TAB1: variants seen among roughly 807,000 people sequenced by gnomAD.
TAB1 encodes the protein TGF-beta-activated kinase 1 and MAP3K7-binding protein 1.
Under a neutral mutation model 54.5 loss-of-function variants are expected in TAB1, and 30 were observed. The ratio of observed to expected loss-of-function variants is 0.55; its 90% CI spans 0.41 to 0.75. The LOEUF (loss-of-function observed/expected upper bound fraction) is 0.75, where lower values mean the gene tolerates loss of function less well. Ranked by LOEUF, TAB1 falls within the 30% of genes least tolerant of loss-of-function variation. The pLI, the probability that TAB1 is intolerant of heterozygous loss-of-function variation, is 0.00. For missense variants in TAB1, 609 were observed against 683.2 expected (o/e 0.89, Z 1.21); for synonymous variants, 289 against 286.9 (o/e 1.01, Z -0.07).
chr22:39,434,538 C>A (rs1007863986), downstream of TAB1, among the ~76,000 whole-genome samples: 1 of 152,264 alleles, frequency 6.6e-6, no homozygotes, highest in Non-Finnish European at 1.5e-5. Flanking sequence ...GGCATGAGCA[C>A]AGGCTCTGTT....
chr22:39,410,548 T>TA (rs1259588818), intron 1 of TAB1, among the ~76,000 whole-genome samples: 1 of 152,074 alleles, frequency 6.6e-6, no homozygotes, highest in Non-Finnish European at 1.5e-5. Context: ...AGCTAGCACT[T>TA]ACTGCCATTT....
chr22:39,429,877 C>T, intron 10 of TAB1, 138 bp from the exon 11 acceptor site: 1 of 1,499,826 alleles, frequency 6.7e-7, no homozygotes. Context: ...CTGGCTGGGC[C>T]AGCTCCTATG....
chr22:39,400,943 G>T (rs765918934), intron 1 of TAB1, among the ~76,000 whole-genome samples: 4 of 144,194 alleles, frequency 2.8e-5, no homozygotes, highest in Non-Finnish European at 6.0e-5. Flanking sequence ...TGAGGCAGGA[G>T]AATTAGCTTG....
At chr22:39,434,170 G>A (rs1039701195), downstream of TAB1, among the ~76,000 whole-genome samples, 4 of 152,238 alleles carry the variant, frequency 2.6e-5, no homozygotes, top group Non-Finnish European at 4.4e-5. Context: ...GGCCATAGCC[G>A]TGAGAAGTGA....
At chr22:39,403,055 C>T (rs183741885) in intron 1 of TAB1, among the ~76,000 whole-genome samples, 10 of 152,328 alleles carry the variant, frequency 6.6e-5, no homozygotes, top group Non-Finnish European at 1.0e-4. Context: ...CTTGGTTGCC[C>T]GCTAACCAGA....
intron 1 of TAB1, among the ~76,000 whole-genome samples, chr22:39,408,628 G>A (rs1207518640): frequency 2.6e-5 from 4 of 152,040 alleles, no homozygotes; most frequent in South Asian, 2.1e-4. Context: ...TCAGCCTTCC[G>A]AGTAGCTGAG....
intron 8 of TAB1, 50 bp from the exon 9 acceptor site, chr22:39,426,653 C>G (rs751053339): frequency 6.6e-7 from 1 of 1,519,494 alleles, no homozygotes; most frequent in Admixed American, 1.8e-5. Flanking sequence ...GCCCATGCCC[C>G]CCAGGCCGCA....
At chr22:39,413,420 A>ATT (rs200579696) in intron 1 of TAB1, among the ~76,000 whole-genome samples, 1 of 144,350 alleles carries the variant, frequency 6.9e-6, no homozygotes, top group African/African-American at 2.5e-5. Flanking sequence ...TTTCAATACA[A>ATT]TTTTTTTTTT....
At chr22:39,433,322 G>A (rs1190034845), downstream of TAB1, 1 of 752,566 alleles carries the variant, frequency 1.3e-6, no homozygotes, top group Non-Finnish European at 1.6e-6. Context: ...GTGGTGGTGG[G>A]CACCTGTAGT....
chr22:39,414,367 G>A (rs1372046831), intron 1 of TAB1, among the ~76,000 whole-genome samples: 1 of 152,176 alleles, frequency 6.6e-6, no homozygotes, highest in Non-Finnish European at 1.5e-5. Context: ...GGTGGCATGA[G>A]GATGTCCTAT....
chr22:39,407,458 T>G (rs1233558249), intron 1 of TAB1, among the ~76,000 whole-genome samples: 1 of 152,010 alleles, frequency 6.6e-6, no homozygotes, highest in African/African-American at 2.4e-5. Flanking sequence ...TGGGCAGCCT[T>G]GCTATGGCCC....
intron 8 of TAB1, among the ~76,000 whole-genome samples, chr22:39,423,828 G>A (rs1043799215): frequency 4.8e-4 from 73 of 151,780 alleles, no homozygotes; most frequent in Non-Finnish European, 9.6e-4. Flanking sequence ...GTTTTATAGT[G>A]TACATTGTAA....
In TAB1 at chr22:39,416,747, G is replaced by A. The variant is rs371761512; in HGVS notation, c.325-44G>A. 9.6e-6 allele frequency: 15 copies of A among 1,570,160 alleles called. No homozygotes were observed. The East Asian group carries it at 3.1e-4, about 33-fold the overall frequency. ...AGAGGACATTTTGGCACCAGTGACA[G>A]TGGTGTTTTGAACCAGCCTTTGCCC... On this transcript the variant is annotated intron_variant, in intron 3 of 10. Coordinates refer to ENST00000216160, the MANE Select transcript of TAB1 (RefSeq NM_006116.3).
chr22:39,406,397 C>CAAAAAA (rs11290078), intron 1 of TAB1, among the ~76,000 whole-genome samples: 2 of 73,774 alleles, frequency 2.7e-5, no homozygotes, highest in Non-Finnish European at 5.0e-5. Flanking sequence ...AGACTGTCAC[C>CAAAAAA]AAAAAAAAAA....
intron 10 of TAB1, chr22:39,429,228 C>T: frequency 1.0e-6 from 1 of 985,418 alleles, no homozygotes; most frequent in Non-Finnish European, 1.2e-6. Flanking sequence ...GGTGCCCGTC[C>T]CCACCCAGCT....
chr22:39,429,060 G>A lies in TAB1; in HGVS notation c.1307+877G>A, dbSNP rs578124630. On this transcript the variant is annotated intron_variant, in intron 10 of 10. Transcript: ENST00000216160. ...GCTGTGTCCACAAAGCAGAGTGTGA[G>A]CGCTGTGGCCCTAGACAAGGCAGGA... 4.1e-6 allele frequency: 4 copies of A among 985,452 alleles called. No individual in the cohort carries two copies. The South Asian group carries it at 1.4e-4, about 35-fold the overall frequency. The allele number at this position is 985,452 out of a possible 1,614,324, so 61.0% of individuals were successfully genotyped here. A position where few individuals can be genotyped will look rare whatever the true frequency, so the allele number is the denominator to read the frequency against.
At chr22:39,423,904 A>G (rs918681745) in intron 8 of TAB1, among the ~76,000 whole-genome samples, 1 of 151,874 alleles carries the variant, frequency 6.6e-6, no homozygotes, top group African/African-American at 2.4e-5. Context: ...GTACATTGTA[A>G]CTAATGTATA....
At position 39,431,167 on chromosome 22, in the gene TAB1, G is replaced by C; in HGVS notation, c.*945G>C. The C allele has an allele frequency of 1.0e-6, 1 of 985,746 alleles. No homozygotes were observed. Among genetic ancestry groups the C allele is most frequent in the Non-Finnish European group, 1.2e-6 (1 of 830,176 alleles). The allele number at this position is 985,746 out of a possible 1,614,324, so 61.1% of individuals were successfully genotyped here. ...TTTGAAAGAAAGAGGAGTGGAAAAT[G>C]GTTCCAGGAGGGAAGAGGTTCTTTG... On this transcript the variant is annotated 3_prime_UTR_variant, in exon 11 of 11. Transcript: ENST00000216160.
Position 39,418,992 on chromosome 22 carries a change from C to G in TAB1, c.664+147C>G. On this transcript the variant is annotated intron_variant, in intron 6 of 10. Transcript: ENST00000216160. ...GCCTGGGGTTCATTCCCAGCACTGC[C>G]GCTTACTGGTTGGTGATTGGAACTT... 4.5e-6 allele frequency: 3 copies of G among 662,210 alleles called. No homozygotes were observed. The East Asian group carries it at 8.2e-5, about 18-fold the overall frequency. 41.0% of individuals were successfully genotyped at this position (662,210 alleles called of 1,614,324 possible). A position where few individuals can be genotyped will look rare whatever the true frequency, so the allele number is the denominator to read the frequency against.
Sources: allele counts gnomAD v4.1 joint callset (sites outside exome capture counted in the v4.1 genomes callset), GRCh38; gene constraint gnomAD v4.1.1; transcripts MANE v1.5; gene names NCBI Gene and HGNC (gene_info 2026-07-23, HGNC 2026-07-21).